The following BTBD10 variants were observed in gnomAD, a reference collection of about 807,000 sequenced individuals.
BTBD10 encodes the protein BTB domain containing 10.
BTBD10 carries 21 observed loss-of-function variants against 53.2 expected under a neutral mutation model. The observed-to-expected ratio is 0.39, with a 90% CI of 0.28 to 0.57. BTBD10 has a LOEUF of 0.57. Among genes scored for constraint, BTBD10 ranks in the 20% least tolerant of loss-of-function variants. The pLI, the probability that BTBD10 is intolerant of heterozygous loss-of-function variation, is 0.53. For synonymous variants in BTBD10, 149 were observed against 192.7 expected, an observed-to-expected ratio of 0.77 and a Z score of 1.88; for missense variants, 360 against 594.7, an observed-to-expected ratio of 0.61 and a Z score of 4.10.
chr11:13,459,490 A>T (rs1951046125), intron 1 of BTBD10, among the ~76,000 whole-genome samples: 1 of 152,074 alleles, frequency 6.6e-6, no homozygotes, highest in South Asian at 2.1e-4. Context: ...AAGGGAGAAA[A>T]ATTTTAATAG....
intron 8 of BTBD10, among the ~76,000 whole-genome samples, chr11:13,397,021 G>C (rs536741241): frequency 1.3e-5 from 2 of 152,272 alleles, no homozygotes; most frequent in African/African-American, 2.4e-5. Flanking sequence ...TTGTGTCTCT[G>C]CCAGGCTTTG....
chr11:13,397,098 A>T (rs1455274371), intron 8 of BTBD10, among the ~76,000 whole-genome samples: 1 of 152,230 alleles, frequency 6.6e-6, no homozygotes, highest in Admixed American at 6.5e-5. Context: ...ATTGATTGGA[A>T]TAGTTTCAGA....
intron 6 of BTBD10, among the ~76,000 whole-genome samples, chr11:13,413,036 GAA>G (rs1949997221): frequency 6.6e-6 from 1 of 152,168 alleles, no homozygotes; most frequent in Non-Finnish European, 1.5e-5. Context: ...GTTCTTGGAT[GAA>G]GTCATTTAAT....
At chr11:13,409,086 G>C (rs1457404169) in intron 6 of BTBD10, among the ~76,000 whole-genome samples, 3 of 151,916 alleles carry the variant, frequency 2.0e-5, no homozygotes, top group Non-Finnish European at 2.9e-5. Flanking sequence ...GGCCTTATTT[G>C]ACCTAGGTGC....
At chr11:13,455,103 G>A (rs528859862) in intron 1 of BTBD10, among the ~76,000 whole-genome samples, 96 of 152,284 alleles carry the variant, frequency 6.3e-4, no homozygotes, top group Admixed American at 2.8e-3. Context: ...AGTAGAGACA[G>A]GGTTTCACCA....
intron 2 of BTBD10, among the ~76,000 whole-genome samples, chr11:13,426,155 A>T (rs527752544): frequency 2.8e-4 from 42 of 152,184 alleles, no homozygotes; most frequent in Non-Finnish European, 5.6e-4. Flanking sequence ...CACAGATTCA[A>T]TATGCACAAC....
chr11:13,444,553 T>C (rs1950719941), intron 2 of BTBD10, among the ~76,000 whole-genome samples: 1 of 152,118 alleles, frequency 6.6e-6, no homozygotes, highest in Admixed American at 6.6e-5. Context: ...GTAGAGTCAT[T>C]CCAGAAAGAT....
At chr11:13,422,016 C>T (rs1475204598) in intron 2 of BTBD10, among the ~76,000 whole-genome samples, 178 bp from the exon 3 acceptor site, 4 of 152,154 alleles carry the variant, frequency 2.6e-5, no homozygotes, top group East Asian at 1.9e-4. Context: ...TCTGGAATAA[C>T]GTGTCTTTGA....
chr11:13,455,961 C>G (rs376593099), intron 1 of BTBD10, among the ~76,000 whole-genome samples: 64 of 152,230 alleles, frequency 4.2e-4, no homozygotes, highest in African/African-American at 1.5e-3. Context: ...GATTCAAGTT[C>G]TAGACTGTAG....
intron 5 of BTBD10, among the ~76,000 whole-genome samples, chr11:13,416,332 C>T (rs1031784500): frequency 3.3e-5 from 5 of 151,464 alleles, no homozygotes; most frequent in Non-Finnish European, 5.9e-5. Flanking sequence ...GCAGCCTTGG[C>T]AACACAGTGA....
chr11:13,437,025 C>G (rs912728468), intron 2 of BTBD10, among the ~76,000 whole-genome samples: 1 of 152,190 alleles, frequency 6.6e-6, no homozygotes, highest in Admixed American at 6.5e-5. Context: ...TCAAGCAACC[C>G]GCACGCCTCA....
intron 2 of BTBD10, among the ~76,000 whole-genome samples, chr11:13,440,680 C>G (rs926213660): frequency 6.6e-5 from 10 of 152,096 alleles, no homozygotes; most frequent in African/African-American, 2.4e-4. Context: ...TCAGGAGAAA[C>G]GAGCATGCGT....
chr11:13,456,545 G>A (rs960325279), intron 1 of BTBD10, among the ~76,000 whole-genome samples: 6 of 151,964 alleles, frequency 3.9e-5, no homozygotes, highest in Admixed American at 1.3e-4. Context: ...ATTTGCCTAC[G>A]AAAAACACCA....
intron 2 of BTBD10, among the ~76,000 whole-genome samples, chr11:13,431,031 C>A (rs1950439741): frequency 6.7e-6 from 1 of 149,904 alleles, no homozygotes; most frequent in Non-Finnish European, 1.5e-5. Flanking sequence ...AATTGTACAC[C>A]AGAATTGACC....
At chr11:13,421,545 C>T in intron 3 of BTBD10, 97 bp downstream of exon 3, 1 of 1,029,908 alleles carries the variant, frequency 9.7e-7, no homozygotes, top group Non-Finnish European at 1.3e-6. Flanking sequence ...GCTAATTTTA[C>T]TCTGCAGTAT....
chr11:13,439,944 G>A (rs980562266), intron 2 of BTBD10: 1 of 1,534,780 alleles, frequency 6.5e-7, no homozygotes, highest in East Asian at 2.4e-5. Context: ...TGAAATCAGA[G>A]TATAAAGGGA....
intron 1 of BTBD10, among the ~76,000 whole-genome samples, chr11:13,446,172 C>T (rs916104674): frequency 6.6e-6 from 1 of 152,234 alleles, no homozygotes; most frequent in South Asian, 2.1e-4. Context: ...CAAAGCTATA[C>T]AATTTGGACT....
At chr11:13,434,534 G>C (rs1407491006) in intron 2 of BTBD10, among the ~76,000 whole-genome samples, 2 of 152,252 alleles carry the variant, frequency 1.3e-5, no homozygotes, top group Non-Finnish European at 2.9e-5. Context: ...TAAAAAGGTA[G>C]AGCTTAGTTA....
chr11:13,400,165 C>T (rs1178212261), intron 8 of BTBD10, among the ~76,000 whole-genome samples: 2 of 152,258 alleles, frequency 1.3e-5, no homozygotes, highest in African/African-American at 2.4e-5. Flanking sequence ...CAGAGGCAGG[C>T]AGGCCTCCTT....
Sources: allele counts gnomAD v4.1 joint callset (sites outside exome capture counted in the v4.1 genomes callset), GRCh38; gene constraint gnomAD v4.1.1; transcripts MANE v1.5; gene names NCBI Gene and HGNC (gene_info 2026-07-23, HGNC 2026-07-21).